Variants in ADAM22 observed in about 807,000 individuals in gnomAD.
ADAM22 encodes the protein disintegrin and metalloproteinase domain-containing protein 22.
ADAM22 carries 65 observed loss-of-function variants against 144.6 expected under a neutral mutation model. The ratio of observed to expected loss-of-function variants is 0.45; its 90% confidence interval spans 0.37 to 0.55. The LOEUF is 0.55. Among genes scored for constraint, ADAM22 ranks in the 20% least tolerant of loss-of-function variants. ADAM22 has a pLI of 0.00. For missense variants in ADAM22, 974 were observed against 1,184.9 expected, an observed-to-expected ratio of 0.82 and a Z score of 2.61; for synonymous variants, 391 against 412.6, an observed-to-expected ratio of 0.95 and a Z score of 0.63.
chr7:87,959,317 C>G (rs775658319), intron 2 of ADAM22, among the ~76,000 whole-genome samples: 91 of 152,116 alleles, frequency 6.0e-4, no homozygotes, highest in Admixed American at 9.2e-4. Flanking sequence ...AGATAATATA[C>G]ATAAAGCTGT....
At chr7:88,097,717 C>T (rs1821801949) in intron 4 of ADAM22, among the ~76,000 whole-genome samples, 1 of 151,300 alleles carries the variant, frequency 6.6e-6, no homozygotes, top group Non-Finnish European at 1.5e-5. Flanking sequence ...TATGTTTTCT[C>T]TTTGTGCAAC....
chr7:88,093,607 C>T (rs1403132486), intron 4 of ADAM22, among the ~76,000 whole-genome samples: 1 of 151,990 alleles, frequency 6.6e-6, no homozygotes, highest in Admixed American at 6.6e-5. Flanking sequence ...AGTGCAGTGG[C>T]GCAGTCTTGG....
At position 88,200,080 on chromosome 7, in the gene ADAM22, T is replaced by G. The variant is rs1289963077; in HGVS notation, c.*3589T>G. The G allele has an allele frequency of 6.6e-6, 1 of 152,228 alleles. No homozygotes were observed. Among genetic ancestry groups the G allele is most frequent in the Non-Finnish European group, 1.5e-5 (1 of 68,036 alleles). The allele number at this position is 152,228 out of a possible 1,614,324, so 9.4% of individuals were successfully genotyped here. ...CCAGATCTCTTGTGGCTACTTTACC[T>G]GTTACCTTTTTTGGGATTTTGTTCT... is the stretch of plus-strand genomic sequence containing the variant. On this transcript the variant is annotated 3_prime_UTR_variant, in exon 32 of 32. Coordinates refer to ENST00000413139, the MANE Select transcript of ADAM22 (RefSeq NM_001324418.2).
At chr7:88,107,704 A>G in intron 4 of ADAM22, among the ~76,000 whole-genome samples, 1 of 151,022 alleles carries the variant, frequency 6.6e-6, no homozygotes, top group East Asian at 2.0e-4. Flanking sequence ...TCCTGCCTTA[A>G]CCTCCCAAGA....
chr7:87,954,330 C>A (rs563028118), intron 2 of ADAM22, among the ~76,000 whole-genome samples: 49 of 152,124 alleles, frequency 3.2e-4, no homozygotes, highest in African/African-American at 1.1e-3. Flanking sequence ...TCTTTTAGGG[C>A]AGGCCTGGTG....
chr7:88,076,951 C>CA lies in ADAM22; in HGVS notation c.390+1265dup, dbSNP rs926790614. Among the ~76,000 whole-genome samples, 24 of 151,986 alleles carry CA rather than the reference C, an allele frequency of 1.6e-4. 1 individual carries two copies. Among genetic ancestry groups the CA allele is most frequent in the African/African-American group, 5.3e-4 (22 of 41,500 alleles). ...AACTTGTAAACAGAGAAAAGTTGAA[C>CA]AAAAAAGGAAAACTTTATCCTTAAA... On this transcript the variant is annotated intron_variant, in intron 4 of 31. Coordinates refer to ENST00000413139, the MANE Select transcript of ADAM22 (RefSeq NM_001324418.2).
rs1175758724 is a variant in ADAM22, at chr7:87,982,068, TACAC to T, written c.323+3694_323+3697del. On this transcript the variant is annotated intron_variant, in intron 3 of 31. Transcript: ENST00000413139. ...TCATATATATATATATATATATATATACACACACACACACACACACACACACACA... is the reference window on the plus strand; with the variant it reads ...TCATATATATATATATATATATATATACACACACACACACACACACACACA... Among the ~76,000 whole-genome samples, 270 of 93,730 alleles carry T rather than the reference TACAC, an allele frequency of 2.9e-3. 4 individuals are homozygous for T. The highest frequency in any genetic ancestry group is 9.8e-3 in the African/African-American group (213 of 21,808). 61.5% of individuals were successfully genotyped at this position (93,730 alleles called of 152,430 possible).
At chr7:88,050,949 A>G (rs1283407090) in intron 3 of ADAM22, among the ~76,000 whole-genome samples, 1 of 152,158 alleles carries the variant, frequency 6.6e-6, no homozygotes, top group Non-Finnish European at 1.5e-5. Context: ...CTATGTCCTG[A>G]ATGGTATTGC....
intron 4 of ADAM22, among the ~76,000 whole-genome samples, chr7:88,095,267 A>G (rs1210018840): frequency 6.6e-6 from 1 of 152,222 alleles, no homozygotes; most frequent in Admixed American, 6.5e-5. Context: ...AGTTCCTCCA[A>G]GAGAAGCACC....
At chr7:87,953,529 T>C (rs1845790747) in intron 2 of ADAM22, among the ~76,000 whole-genome samples, 1 of 152,230 alleles carries the variant, frequency 6.6e-6, no homozygotes, top group Non-Finnish European at 1.5e-5. Flanking sequence ...ATTTCTGTTC[T>C]TTTACATTTG....
chr7:88,080,861 C>T (rs1816346984), intron 4 of ADAM22, among the ~76,000 whole-genome samples: 1 of 152,046 alleles, frequency 6.6e-6, no homozygotes, highest in Non-Finnish European at 1.5e-5. Flanking sequence ...AGCTTACCAA[C>T]CAAAAAAAGT....
At chr7:88,175,582 A>C (rs7778924) in intron 26 of ADAM22, among the ~76,000 whole-genome samples, 1 of 152,116 alleles carries the variant, frequency 6.6e-6, no homozygotes, top group African/African-American at 2.4e-5. Context: ...TTGTTCACTA[A>C]AAATCATACA....
chr7:88,131,626 G>A (rs1831802899), intron 11 of ADAM22, 191 bp downstream of exon 11: 1 of 567,248 alleles, frequency 1.8e-6, no homozygotes, highest in African/African-American at 1.9e-5. Flanking sequence ...TTTTAATTTT[G>A]AGTTATTTTA....
At chr7:88,129,792 C>T (rs1044602511) in intron 9 of ADAM22, among the ~76,000 whole-genome samples, 3 of 151,990 alleles carry the variant, frequency 2.0e-5, no homozygotes, top group Non-Finnish European at 2.9e-5. Flanking sequence ...CCAGTTATTA[C>T]CAGGTGAGAA....
At chr7:88,128,714 AGGGTAAAACTGGT>A in intron 9 of ADAM22, 38 bp downstream of exon 9, 2 of 1,552,506 alleles carry the variant, frequency 1.3e-6, no homozygotes, top group Middle Eastern at 3.4e-4. Flanking sequence ...GTTTGTGCCT[AGGGTAAAACTGGT>A]GAGTGCAAAA....
chr7:88,085,227 G>C (rs1585582793), intron 4 of ADAM22, among the ~76,000 whole-genome samples: 1 of 152,122 alleles, frequency 6.6e-6, no homozygotes, highest in East Asian at 1.9e-4. Flanking sequence ...TAAATGAAAG[G>C]AAATATGAAA....
chr7:87,982,336 G>T (rs1035800009), intron 3 of ADAM22, among the ~76,000 whole-genome samples: 12 of 151,860 alleles, frequency 7.9e-5, no homozygotes, highest in African/African-American at 2.4e-4. Flanking sequence ...AGAATTGGTT[G>T]TCCGGGACAG....
chr7:88,066,458 C>G (rs1038858533), intron 3 of ADAM22, among the ~76,000 whole-genome samples: 4 of 151,902 alleles, frequency 2.6e-5, no homozygotes, highest in African/African-American at 9.7e-5. Context: ...AGATCAGGAG[C>G]CCAAGTTTGG....
chr7:88,007,756 G>T (rs1040610719), intron 3 of ADAM22, among the ~76,000 whole-genome samples: 2 of 152,068 alleles, frequency 1.3e-5, no homozygotes, highest in Non-Finnish European at 1.5e-5. Context: ...ATTCAAGATG[G>T]ATTAAAGACT....
Sources: gnomAD v4.1 joint callset for allele counts (sites outside exome capture counted in the v4.1 genomes callset) on GRCh38, gnomAD v4.1.1 for gene constraint, MANE v1.5 for transcripts, NCBI Gene and HGNC (gene_info 2026-07-23, HGNC 2026-07-21) for gene names.